Variants in FSTL4 observed in about 807,000 individuals in gnomAD.
FSTL4 encodes the protein follistatin-related protein 4.
A neutral mutation model predicts 78.2 loss-of-function variants in FSTL4; 28 were observed. That is an observed-to-expected ratio of 0.36 (90% CI 0.27 to 0.49). The LOEUF (loss-of-function observed/expected upper bound fraction) is 0.49. Among genes scored for constraint, FSTL4 ranks in the 20% least tolerant of loss-of-function variants. FSTL4 has a pLI of 0.98. For missense variants in FSTL4, 922 were observed against 1,084.9 expected (o/e 0.85, Z 2.11); for synonymous variants, 422 against 440.5 (o/e 0.96, Z 0.53).
At chr5:133,277,181 C>T (rs188485774) in intron 6 of FSTL4, among the ~76,000 whole-genome samples, 9 of 152,130 alleles carry the variant, frequency 5.9e-5, no homozygotes, top group East Asian at 1.9e-4. Flanking sequence ...CTGGGTGTGG[C>T]GGTGTGCCCC....
At chr5:133,660,313 T>C in the FSTL4 span, among the ~76,000 whole-genome samples, 2,703 of 152,198 alleles carry the variant, frequency 0.018, 39 homozygotes, top group South Asian at 0.061. Flanking sequence ...AGAGGAAGCA[T>C]AGGGCACCTT....
chr5:133,306,683 G>C (rs908101632), intron 6 of FSTL4, among the ~76,000 whole-genome samples: 1 of 152,144 alleles, frequency 6.6e-6, no homozygotes, highest in Non-Finnish European at 1.5e-5. Context: ...CTCTGGGATC[G>C]CTGGCCACAG....
chr5:133,420,397 T>G (rs1024608532), intron 3 of FSTL4, among the ~76,000 whole-genome samples: 1 of 152,244 alleles, frequency 6.6e-6, no homozygotes, highest in African/African-American at 2.4e-5. Flanking sequence ...TTTAAAATAA[T>G]TCATATTCAG....
At chr5:133,652,165 G>A in the FSTL4 span, among the ~76,000 whole-genome samples, 4 of 151,870 alleles carry the variant, frequency 2.6e-5, no homozygotes, top group Non-Finnish European at 4.4e-5. Flanking sequence ...CTGGCTAGAG[G>A]CTTATCACTT....
chr5:133,696,911 G>A, the FSTL4 span, among the ~76,000 whole-genome samples: 2 of 152,328 alleles, frequency 1.3e-5, no homozygotes, highest in Admixed American at 6.5e-5. Context: ...CATGGCCTGA[G>A]GCCCACGAAG....
the FSTL4 span, among the ~76,000 whole-genome samples, chr5:133,816,034 G>A: frequency 6.6e-6 from 1 of 152,214 alleles, no homozygotes; most frequent in South Asian, 2.1e-4. Flanking sequence ...ATAGAGTTAA[G>A]CGGGCTCTGG....
chr5:133,596,361 C>T (rs1760737766), intron 2 of FSTL4, among the ~76,000 whole-genome samples: 1 of 152,228 alleles, frequency 6.6e-6, no homozygotes, highest in South Asian at 2.1e-4. Flanking sequence ...CTTCTGTCAG[C>T]TGCATCACAG....
At chr5:133,374,260 T>G (rs893526250) in intron 4 of FSTL4, among the ~76,000 whole-genome samples, 1 of 152,208 alleles carries the variant, frequency 6.6e-6, no homozygotes, top group African/African-American at 2.4e-5. Context: ...TCGGTCATTA[T>G]GGAGGCAAAT....
the FSTL4 span, among the ~76,000 whole-genome samples, chr5:133,745,030 G>A: frequency 1.3e-5 from 2 of 152,284 alleles, no homozygotes; most frequent in South Asian, 4.2e-4. Flanking sequence ...CAGGAATGAG[G>A]AGCCGGATCT....
At chr5:133,726,315 T>G in the FSTL4 span, among the ~76,000 whole-genome samples, 2 of 152,184 alleles carry the variant, frequency 1.3e-5, no homozygotes, top group Non-Finnish European at 2.9e-5. Context: ...ATTTATATAC[T>G]TGGTATCCAG....
At chr5:133,699,517 C>G in the FSTL4 span, among the ~76,000 whole-genome samples, 2 of 152,010 alleles carry the variant, frequency 1.3e-5, no homozygotes, top group African/African-American at 4.8e-5. Context: ...AATGGAGGCT[C>G]AGAAGAGTTA....
the FSTL4 span, among the ~76,000 whole-genome samples, chr5:133,697,736 C>T: frequency 6.6e-6 from 1 of 152,206 alleles, no homozygotes; most frequent in Non-Finnish European, 1.5e-5. Context: ...GGCCCGTTGC[C>T]ATGGCCCAAG....
intron 3 of FSTL4, among the ~76,000 whole-genome samples, chr5:133,488,810 C>T (rs1410499839): frequency 1.3e-5 from 2 of 152,104 alleles, no homozygotes; most frequent in African/African-American, 4.8e-5. Context: ...GAGGGCCACC[C>T]TCACCCCAAT....
intron 6 of FSTL4, among the ~76,000 whole-genome samples, chr5:133,258,847 T>C (rs193275759): frequency 2.6e-5 from 4 of 152,222 alleles, no homozygotes; most frequent in Middle Eastern, 3.4e-3. Flanking sequence ...GAAGAAGTCA[T>C]AAGGAAATGG....
chr5:133,474,781 C>T (rs1001593527), intron 3 of FSTL4, among the ~76,000 whole-genome samples: 6 of 152,212 alleles, frequency 3.9e-5, no homozygotes, highest in African/African-American at 1.4e-4. Context: ...TCTGTCTTAG[C>T]AGCTTCCTTT....
chr5:133,590,068 T>A lies in FSTL4; in HGVS notation c.126+13790A>T, dbSNP rs529240743. On this transcript the variant is annotated intron_variant, in intron 2 of 15. Transcript: ENST00000265342. ...GGAATTAAGAAATTCATATTAGGAA[T>A]GAGAATTCCTATTGGGAATCTCCTC... Among the ~76,000 whole-genome samples, 74 of 151,304 alleles carry A rather than the reference T, an allele frequency of 4.9e-4. No homozygotes were observed. In the South Asian group the frequency reaches 1.0e-2, roughly 20 times the overall value.
chr5:133,630,115 C>G, the FSTL4 span, among the ~76,000 whole-genome samples: 2 of 152,266 alleles, frequency 1.3e-5, no homozygotes, highest in Admixed American at 1.3e-4. Flanking sequence ...CTCACCACTT[C>G]TATTCAACAT....
At chr5:133,806,951 T>C in the FSTL4 span, among the ~76,000 whole-genome samples, 37,877 of 152,068 alleles carry the variant, frequency 0.25, 4,847 homozygotes, top group African/African-American at 0.28. Context: ...CCCATAATCA[T>C]GACTGAAAGG....
intron 1 of FSTL4, among the ~76,000 whole-genome samples, chr5:133,607,797 C>T (rs1026602863): frequency 6.6e-6 from 1 of 152,160 alleles, no homozygotes; most frequent in Admixed American, 6.5e-5. Flanking sequence ...GAGAGCCAAG[C>T]TGCTCACCCT....
Sources: allele counts gnomAD v4.1 joint callset (sites outside exome capture counted in the v4.1 genomes callset), GRCh38; gene constraint gnomAD v4.1.1; transcripts MANE v1.5; gene names NCBI Gene and HGNC (gene_info 2026-07-23, HGNC 2026-07-21).